Variants in VWA8 observed in about 807,000 individuals in gnomAD.
The protein encoded by VWA8 is von Willebrand factor A domain containing 8.
A neutral mutation model predicts 241.5 loss-of-function variants in VWA8; 221 were observed. The observed-to-expected ratio is 0.91, with a 90% confidence interval of 0.82 to 1.02. The LOEUF (loss-of-function observed/expected upper bound fraction) is 1.02, where lower values mean the gene tolerates loss of function less well. VWA8 is among the 50% of genes least tolerant of loss of function. The pLI, the probability that VWA8 is intolerant of heterozygous loss-of-function variation, is 0.00. For missense variants in VWA8, 2,322 were observed against 2,328.7 expected (o/e 1.00, Z 0.06); for synonymous variants, 852 against 827.1 (o/e 1.03, Z -0.52).
intron 42 of VWA8, among the ~76,000 whole-genome samples, chr13:41,586,457 G>A (rs561001058): frequency 2.0e-5 from 3 of 152,296 alleles, no homozygotes; most frequent in Admixed American, 6.5e-5. Flanking sequence ...GACAGAGCCC[G>A]GCAACCCATA....
intron 35 of VWA8, among the ~76,000 whole-genome samples, chr13:41,683,604 G>A (rs762391735): frequency 6.6e-6 from 1 of 152,114 alleles, no homozygotes; most frequent in Non-Finnish European, 1.5e-5. Context: ...CCGAGCTTAA[G>A]AACCAATGTA....
intron 29 of VWA8, among the ~76,000 whole-genome samples, chr13:41,694,619 T>A (rs993747660): frequency 3.3e-5 from 5 of 152,080 alleles, no homozygotes; most frequent in Non-Finnish European, 2.9e-5. Flanking sequence ...GAATGAGTAC[T>A]TTTTGATGGA....
At position 41,865,724 on chromosome 13, in the gene VWA8, T is replaced by C. The variant is rs376428405; in HGVS notation, c.1425+12A>G. 95 of 1,612,680 alleles carry C rather than the reference T, an allele frequency of 5.9e-5. No homozygotes were observed. The highest frequency in any genetic ancestry group is 7.9e-5 in the Non-Finnish European group (93 of 1,179,812). On this transcript the variant is annotated intron_variant, in intron 12 of 44. Coordinates refer to ENST00000379310, the MANE Select transcript of VWA8 (RefSeq NM_015058.2). Reference sequence around the variant, plus strand: ...CTTATAGTCCAAGTGCAGCTAAAAATGAACACTGTACCTGATAGAGCATAA... The same window carrying C: ...CTTATAGTCCAAGTGCAGCTAAAAACGAACACTGTACCTGATAGAGCATAA...
chr13:41,644,753 G>A (rs1039909792), intron 37 of VWA8, among the ~76,000 whole-genome samples: 5 of 152,256 alleles, frequency 3.3e-5, no homozygotes, highest in African/African-American at 1.2e-4. Context: ...TTTCTTAAAT[G>A]TATATATAGC....
At chr13:41,863,559 C>G (rs921403425) in intron 12 of VWA8, among the ~76,000 whole-genome samples, 1 of 150,954 alleles carries the variant, frequency 6.6e-6, no homozygotes, top group Non-Finnish European at 1.5e-5. Flanking sequence ...ACAGCAAAGA[C>G]ATGGAATCAA....
At chr13:41,932,828 T>A (rs1459910153) in intron 2 of VWA8, among the ~76,000 whole-genome samples, 1 of 151,978 alleles carries the variant, frequency 6.6e-6, no homozygotes, top group East Asian at 1.9e-4. Flanking sequence ...CTTAACTTGA[T>A]AAAGAACATC....
chr13:41,879,956 T>C (rs571864726), intron 9 of VWA8, among the ~76,000 whole-genome samples: 1 of 152,278 alleles, frequency 6.6e-6, no homozygotes, highest in East Asian at 1.9e-4. Context: ...CCATCTTTCA[T>C]ATGGAGGAAT....
chr13:41,596,830 CACAT>C lies in VWA8; in HGVS notation c.4987-6069_4987-6066del, dbSNP rs1408767551. Among the ~76,000 whole-genome samples the C allele has an allele frequency of 4.7e-5, 7 of 147,442 alleles. No homozygotes were observed. In the East Asian group the frequency reaches 7.8e-4, roughly 16 times the overall value. ...ACACACACACACACACACACACACA[CACAT>C]CTGTAGCACTAAAGACAGAATAAAT... is the stretch of plus-strand genomic sequence containing the variant. On this transcript the variant is annotated intron_variant, in intron 40 of 44. Transcript: ENST00000379310.
At chr13:41,816,382 A>ATAGG (rs1177429431) in intron 16 of VWA8, among the ~76,000 whole-genome samples, 4 of 152,180 alleles carry the variant, frequency 2.6e-5, no homozygotes, top group Admixed American at 2.6e-4. Context: ...TTAACTTGTG[A>ATAGG]TAGGTACTTG....
chr13:41,960,247 A>G (rs1369311649), intron 1 of VWA8, among the ~76,000 whole-genome samples: 1 of 152,232 alleles, frequency 6.6e-6, no homozygotes, highest in Non-Finnish European at 1.5e-5. Flanking sequence ...TCTGGGTTTC[A>G]ATTACCTCAT....
intron 20 of VWA8, among the ~76,000 whole-genome samples, chr13:41,773,013 G>T (rs1445270607): frequency 6.6e-6 from 1 of 152,184 alleles, no homozygotes; most frequent in Non-Finnish European, 1.5e-5. Flanking sequence ...TTCTTTCATA[G>T]AGTTCAGCCA....
intron 9 of VWA8, among the ~76,000 whole-genome samples, chr13:41,876,032 A>G (rs1426496175): frequency 6.6e-6 from 1 of 152,054 alleles, no homozygotes; most frequent in Non-Finnish European, 1.5e-5. Context: ...TCAACCCTAC[A>G]TCTAACCCTT....
chr13:41,732,119 C>T lies in VWA8; in HGVS notation c.2463G>A (p.Ser821=), dbSNP rs752460764. 2.2e-5 allele frequency: 36 copies of T among 1,612,958 alleles called. No homozygotes were observed. In the Admixed American group the frequency reaches 2.5e-4, roughly 11 times the overall value. ...CATATACAATAAGTCCGTCTTTAACCGAAGGCTGAAGCGTAAGAGTTTGTA... is the reference window on the plus strand; with the variant it reads ...CATATACAATAAGTCCGTCTTTAACTGAAGGCTGAAGCGTAAGAGTTTGTA... The part of the protein sequence containing the change: ...TTVQTLTLQP[S]VKDGLIVYED... Residue 821 remains serine, a synonymous_variant, in exon 22 of 45, where the codon TCG becomes TCA. Transcript: ENST00000379310.
At chr13:41,871,309 A>T (rs1156908662) in intron 9 of VWA8, among the ~76,000 whole-genome samples, 4 of 152,034 alleles carry the variant, frequency 2.6e-5, no homozygotes, top group Non-Finnish European at 5.9e-5. Context: ...TTATTTTTTT[A>T]AATTTATTAT....
At chr13:41,885,374 A>G (rs2138077621) in intron 8 of VWA8, among the ~76,000 whole-genome samples, 1 of 152,322 alleles carries the variant, frequency 6.6e-6, no homozygotes, top group African/African-American at 2.4e-5. Context: ...GTACTCTATC[A>G]GATCCCCTCA....
intron 36 of VWA8, among the ~76,000 whole-genome samples, chr13:41,674,823 TAAAG>T (rs1480641409): frequency 6.6e-6 from 1 of 152,194 alleles, no homozygotes; most frequent in East Asian, 1.9e-4. Context: ...AAAACAATAT[TAAAG>T]AAATCTATTT....
Position 41,912,255 on chromosome 13 carries a change from A to G in VWA8, c.242-87T>C, listed in dbSNP as rs1593864587. ...AAGTAATGTGGACATATTTATATAT[A>G]TATATAACGTATATAAAATATGTGT... On this transcript the variant is annotated intron_variant, in intron 2 of 44. Coordinates refer to ENST00000379310, the MANE Select transcript of VWA8 (RefSeq NM_015058.2). The G allele has an allele frequency of 1.3e-5, 13 of 993,460 alleles. No homozygotes were observed. In the East Asian group the frequency reaches 3.4e-4, roughly 26 times the overall value. The allele number at this position is 993,460 out of a possible 1,614,324, so 61.5% of individuals were successfully genotyped here.
chr13:41,833,493 G>A lies in VWA8; in HGVS notation c.1464C>T (p.Thr488=). ...GCCAGGCAGTGTCTCCATTTGGAAG[G>A]GTGTATCTCTGCTGTAGCAGATCAC... The part of the protein sequence containing the change: ...TARDLLQQRY[T]LPNGDTAWRS... The change falls in exon 13 of 45, where the codon ACC becomes ACT. Residue 488 remains threonine (T), a synonymous_variant. Coordinates refer to ENST00000379310, the MANE Select transcript of VWA8 (RefSeq NM_015058.2). The A allele has an allele frequency of 6.2e-7, 1 of 1,613,430 alleles. No homozygotes were observed. The highest frequency in any genetic ancestry group is 8.5e-7 in the Non-Finnish European group (1 of 1,179,750).
At chr13:41,675,359 A>G in intron 35 of VWA8, 63 bp from the exon 36 acceptor site, 1 of 1,274,690 alleles carries the variant, frequency 7.8e-7, no homozygotes, top group East Asian at 2.4e-5. Flanking sequence ...AATGGTGCTA[A>G]AAGTGGAATC....
Sources: gnomAD v4.1 joint callset for allele counts (sites outside exome capture counted in the v4.1 genomes callset) on GRCh38, gnomAD v4.1.1 for gene constraint, MANE v1.5 for transcripts, NCBI Gene and HGNC (gene_info 2026-07-23, HGNC 2026-07-21) for gene names.